Variants in KIRREL3 observed in about 807,000 individuals in gnomAD.
The protein encoded by KIRREL3 is kin of IRRE-like protein 3.
In KIRREL3, 36 loss-of-function variants were observed where a neutral mutation model predicts 89.7. That is an observed-to-expected ratio of 0.40 (90% CI 0.31 to 0.53). KIRREL3 has a LOEUF of 0.53. Ranked by LOEUF, KIRREL3 falls within the 20% of genes least tolerant of loss-of-function variation. KIRREL3 has a pLI of 0.49. For missense variants in KIRREL3, 864 were observed against 1,056.6 expected (o/e 0.82, Z 2.53); for synonymous variants, 445 against 441.4 (o/e 1.01, Z -0.10).
In KIRREL3 at chr11:126,689,042, AAGAGAGAGAGAGAGAGAGAGAG is replaced by A. The variant is rs58257040; in HGVS notation, c.56-126152_56-126131del. ...ATGTGTGTGTGTGTAAGGGGGAGAGAAGAGAGAGAGAGAGAGAGAGAGAGAGAGAGAGAGAGAGAGTATTGTA... is the reference window on the plus strand; with the variant it reads ...ATGTGTGTGTGTGTAAGGGGGAGAGAAGAGAGAGAGAGAGAGAGTATTGTA... On this transcript the variant is annotated intron_variant, in intron 1 of 16. Transcript: ENST00000525144. The surrounding 1 kb of genome is among the most constrained non-coding windows in gnomAD (Gnocchi z 5.2). 7.7e-6 allele frequency among the ~76,000 whole-genome samples: 1 copy of A among 129,766 alleles called. No individual in the cohort carries two copies. Among genetic ancestry groups the A allele is most frequent in the Non-Finnish European group, 1.6e-5 (1 of 62,210 alleles). 85.1% of individuals were successfully genotyped at this position (129,766 alleles called of 152,430 possible). A position where few individuals can be genotyped will look rare whatever the true frequency, so the allele number is the denominator to read the frequency against.
chr11:126,453,472 A>G (rs1385943415), intron 7 of KIRREL3, among the ~76,000 whole-genome samples: 2 of 152,256 alleles, frequency 1.3e-5, no homozygotes, highest in Non-Finnish European at 2.9e-5. Context: ...AGCTATCAAG[A>G]TGAATGAAAG....
chr11:126,840,531 C>T (rs558719505), intron 1 of KIRREL3, among the ~76,000 whole-genome samples: 12 of 152,274 alleles, frequency 7.9e-5, no homozygotes, highest in African/African-American at 2.6e-4. Context: ...ATATTAGTCC[C>T]CCTTCATCCA....
chr11:126,550,822 A>C lies in KIRREL3; in HGVS notation c.133+12013T>G, dbSNP rs1204547914. 6.6e-6 allele frequency among the ~76,000 whole-genome samples: 1 copy of C among 152,162 alleles called. No homozygotes were observed. Among genetic ancestry groups the C allele is most frequent in the Non-Finnish European group, 1.5e-5 (1 of 68,020 alleles). Reference sequence around the variant, plus strand: ...ACACAGGAGACCTCTGTGGCCAAACAGGTGGGAGCAGCGGACACCAGCTGG... The same window carrying C: ...ACACAGGAGACCTCTGTGGCCAAACCGGTGGGAGCAGCGGACACCAGCTGG... On this transcript the variant is annotated intron_variant, in intron 2 of 16. Transcript: ENST00000525144. The surrounding 1 kb of genome is among the most constrained non-coding windows in gnomAD (Gnocchi z 4.9).
intron 1 of KIRREL3, among the ~76,000 whole-genome samples, chr11:126,583,436 C>T (rs1434925204): frequency 6.6e-6 from 1 of 152,188 alleles, no homozygotes; most frequent in Non-Finnish European, 1.5e-5. Context: ...CCCCACTGAA[C>T]CAATGATAAC....
intron 9 of KIRREL3, among the ~76,000 whole-genome samples, chr11:126,445,588 G>T (rs1044961923): frequency 6.6e-6 from 1 of 152,224 alleles, no homozygotes; most frequent in Non-Finnish European, 1.5e-5. Flanking sequence ...GATGAAAACA[G>T]GCTCTGGCAT....
In KIRREL3 at chr11:126,669,421, A is replaced by G. The variant is rs1287142959; in HGVS notation, c.56-106509T>C. 1.3e-5 allele frequency among the ~76,000 whole-genome samples: 2 copies of G among 152,122 alleles called. No homozygotes were observed. Among genetic ancestry groups the G allele is most frequent in the Admixed American group, 1.3e-4 (2 of 15,276 alleles). On this transcript the variant is annotated intron_variant, in intron 1 of 16. Coordinates refer to ENST00000525144, the MANE Select transcript of KIRREL3 (RefSeq NM_032531.4). This position sits in a 1 kb window ranked among gnomAD's most constrained non-coding sequence, Gnocchi z 5.0. ...CCCTATTTAATCCCATGTATTTTTA[A>G]CCCACTAACATAATCCCCAATGTTT...
In KIRREL3 at chr11:126,955,900, T is replaced by C. The variant is rs1565455356; in HGVS notation, c.55+44555A>G. ...CACCACTGATGCCCCAGTTCTTAAG[T>C]ATTTTTAATATTACCCTGGAAACAT... On this transcript the variant is annotated intron_variant, in intron 1 of 16. Transcript: ENST00000525144. The surrounding 1 kb of genome is among the most constrained non-coding windows in gnomAD (Gnocchi z 4.6). Among the ~76,000 whole-genome samples the C allele has an allele frequency of 6.6e-6, 1 of 152,186 alleles. No individual in the cohort carries two copies. Among genetic ancestry groups the C allele is most frequent in the Non-Finnish European group, 1.5e-5 (1 of 68,024 alleles).
At chr11:126,438,432 T>C (rs978395230) in intron 11 of KIRREL3, among the ~76,000 whole-genome samples, 1 of 152,230 alleles carries the variant, frequency 6.6e-6, no homozygotes, top group African/African-American at 2.4e-5. Flanking sequence ...GACCCATTCC[T>C]GGCCGTGGGG....
chr11:126,775,847 A>G (rs1266426272), intron 1 of KIRREL3, among the ~76,000 whole-genome samples: 2 of 152,196 alleles, frequency 1.3e-5, no homozygotes, highest in Non-Finnish European at 2.9e-5. Flanking sequence ...CAATCCAAGC[A>G]TGGGCTCTTC....
At chr11:126,637,805 C>A (rs751613954) in intron 1 of KIRREL3, among the ~76,000 whole-genome samples, 2 of 152,178 alleles carry the variant, frequency 1.3e-5, no homozygotes, top group African/African-American at 4.8e-5. Context: ...ATCTAGGAAA[C>A]ATTTACACAA....
chr11:126,476,734 C>T lies in KIRREL3; in HGVS notation c.434-3268G>A, dbSNP rs547585244. On this transcript the variant is annotated intron_variant, in intron 4 of 16. Transcript: ENST00000525144. This position sits in a 1 kb window ranked among gnomAD's most constrained non-coding sequence, Gnocchi z 6.4. ...AGCAGGCTGAAGAGAAATCAGCAGTCGCTCTTGGCAGCTGTGTCTGGCGTG... is the reference window on the plus strand; with the variant it reads ...AGCAGGCTGAAGAGAAATCAGCAGTTGCTCTTGGCAGCTGTGTCTGGCGTG... Among the ~76,000 whole-genome samples the T allele has an allele frequency of 2.0e-5, 3 of 152,006 alleles. No homozygotes were observed. The highest frequency in any genetic ancestry group is 2.1e-4 in the South Asian group (1 of 4,816).
chr11:126,952,902 A>G (rs1948811754), intron 1 of KIRREL3, among the ~76,000 whole-genome samples: 1 of 152,232 alleles, frequency 6.6e-6, no homozygotes, highest in South Asian at 2.1e-4. Flanking sequence ...AAATTAGTTC[A>G]ACCATTGTGG....
chr11:126,680,224 A>ACT, intron 1 of KIRREL3, among the ~76,000 whole-genome samples: 1 of 152,298 alleles, frequency 6.6e-6, no homozygotes, highest in East Asian at 1.9e-4. Context: ...AGTGAGGGCA[A>ACT]CAGAAAAAAC....
rs1194846208 is a variant in KIRREL3, at chr11:126,766,018, A to G, written c.56-203106T>C. 6.6e-6 allele frequency among the ~76,000 whole-genome samples: 1 copy of G among 152,100 alleles called. No individual in the cohort carries two copies. The highest frequency in any genetic ancestry group is 1.5e-5 in the Non-Finnish European group (1 of 68,022). ...TTGGGCATGCTGGGAGAATGATCTT[A>G]GCTGAGCAAATTCACCTCCTTGCTT... On this transcript the variant is annotated intron_variant, in intron 1 of 16. Transcript: ENST00000525144. This position sits in a 1 kb window ranked among gnomAD's most constrained non-coding sequence, Gnocchi z 4.2.
chr11:126,818,002 A>T (rs2187570), intron 1 of KIRREL3, among the ~76,000 whole-genome samples: 1 of 152,290 alleles, frequency 6.6e-6, no homozygotes, highest in East Asian at 1.9e-4. Flanking sequence ...GGAAGTGGCC[A>T]TGCTCCACAG....
At chr11:126,846,863 T>C (rs893055539) in intron 1 of KIRREL3, among the ~76,000 whole-genome samples, 1 of 152,148 alleles carries the variant, frequency 6.6e-6, no homozygotes. Context: ...TGTAAAAAAA[T>C]TAGTCTTGTA....
At chr11:126,889,451 A>T (rs1048237372) in intron 1 of KIRREL3, among the ~76,000 whole-genome samples, 7 of 152,070 alleles carry the variant, frequency 4.6e-5, no homozygotes, top group Admixed American at 4.6e-4. Context: ...AGGCACCATG[A>T]TTTGTTTTGG....
chr11:126,657,261 T>TC (rs1565625610), intron 1 of KIRREL3, among the ~76,000 whole-genome samples: 122 of 119,482 alleles, frequency 1.0e-3, no homozygotes, highest in African/African-American at 1.5e-3. Flanking sequence ...AATAAATAAA[T>TC]AAATAAATAA....
intron 1 of KIRREL3, chr11:126,934,813 C>A (rs1350826648): frequency 6.6e-6 from 1 of 152,130 alleles, no homozygotes; most frequent in Non-Finnish European, 1.5e-5. Flanking sequence ...GTAATCCCAG[C>A]ACTTTGGGAA....
Sources: allele counts gnomAD v4.1 joint callset (sites outside exome capture counted in the v4.1 genomes callset), GRCh38; gene constraint gnomAD v4.1.1; non-coding constraint Gnocchi (gnomAD v3.1); transcripts MANE v1.5; gene names NCBI Gene and HGNC (gene_info 2026-07-23, HGNC 2026-07-21).